Variants in DIAPH2 observed in about 807,000 individuals in gnomAD.
DIAPH2 encodes the protein protein diaphanous homolog 2.
DIAPH2 carries 35 observed loss-of-function variants against 92.7 expected under a neutral mutation model. The observed-to-expected ratio is 0.38, with a 90% CI of 0.29 to 0.50. The LOEUF (loss-of-function observed/expected upper bound fraction) is 0.50. Ranked by LOEUF, DIAPH2 falls within the 20% of genes least tolerant of loss-of-function variation. The probability of loss-of-function intolerance (pLI) is 0.94; values close to 1 mark genes in which losing one functional copy is unlikely to be tolerated. For synonymous variants in DIAPH2, 301 were observed against 280.4 expected, an observed-to-expected ratio of 1.07 and a Z score of -0.73; for missense variants, 701 against 819.5, an observed-to-expected ratio of 0.86 and a Z score of 1.77.
intron 5 of DIAPH2, among the ~76,000 whole-genome samples, chrX:96,888,486 CAG>C (rs2065280072): frequency 9.7e-6 from 1 of 103,543 alleles, no homozygotes; most frequent in African/African-American, 3.5e-5. Flanking sequence ...ATATATAACA[CAG>C]ATATATATCT....
chrX:97,094,798 T>A (rs1354574406), intron 19 of DIAPH2, among the ~76,000 whole-genome samples: 1 of 111,921 alleles, frequency 8.9e-6, no homozygotes, highest in Non-Finnish European at 1.9e-5. Flanking sequence ...CTCCAGAGGT[T>A]AATGTGGTGG....
chrX:97,590,150 C>T (rs916134303), intron 26 of DIAPH2, among the ~76,000 whole-genome samples: 9 of 111,716 alleles, frequency 8.1e-5, no homozygotes, highest in African/African-American at 2.6e-4. Context: ...AAATCATAGG[C>T]AGTGGTATAT....
chrX:96,875,591 T>A (rs1397071818), intron 4 of DIAPH2, among the ~76,000 whole-genome samples: 2 of 111,352 alleles, frequency 1.8e-5, no homozygotes, highest in African/African-American at 6.5e-5. Flanking sequence ...TTGCCTATTA[T>A]TTTCATCCTC....
At chrX:96,813,918 T>C (rs1043228963) in intron 4 of DIAPH2, among the ~76,000 whole-genome samples, 2 of 112,103 alleles carry the variant, frequency 1.8e-5, no homozygotes, top group African/African-American at 6.5e-5. Context: ...GGCTTCCCTT[T>C]GTGGGTAACC....
At chrX:97,144,876 T>C (rs982928632) in intron 22 of DIAPH2, among the ~76,000 whole-genome samples, 9 of 111,882 alleles carry the variant, frequency 8.0e-5, no homozygotes, top group African/African-American at 2.9e-4. Context: ...GCAATTCTCC[T>C]ACCTCAGCCT....
At chrX:96,772,022 G>T (rs1460269069) in intron 4 of DIAPH2, among the ~76,000 whole-genome samples, 1 of 109,710 alleles carries the variant, frequency 9.1e-6, no homozygotes, top group Admixed American at 9.7e-5. Flanking sequence ...GGGTGACACA[G>T]TTGAGACCCT....
In DIAPH2 at chrX:97,368,487, A is replaced by AT. The variant is rs972932921; in HGVS notation, c.3010-15413dup. Among the ~76,000 whole-genome samples, 13 of 111,429 alleles carry AT rather than the reference A, an allele frequency of 1.2e-4. 1 individual carries two copies. The highest frequency in any genetic ancestry group is 3.8e-4 in the Admixed American group (4 of 10,493). On this transcript the variant is annotated intron_variant, in intron 24 of 26. Transcript: ENST00000324765. ...TGGGAGCAGCCATTTAAGAAAAGGAATTTTTTTTTAAAAGAAATCTTTTTT... is the reference window on the plus strand; with the variant it reads ...TGGGAGCAGCCATTTAAGAAAAGGAATTTTTTTTTTAAAAGAAATCTTTTTT...
intron 21 of DIAPH2, among the ~76,000 whole-genome samples, chrX:97,134,726 G>A (rs1336469375): frequency 9.0e-6 from 1 of 111,084 alleles, no homozygotes; most frequent in Non-Finnish European, 1.9e-5. Flanking sequence ...TATTTCTTCC[G>A]TTGCCTGATC....
intron 23 of DIAPH2, among the ~76,000 whole-genome samples, chrX:97,248,772 A>G (rs1431042627): frequency 1.8e-5 from 2 of 111,807 alleles, no homozygotes; most frequent in East Asian, 5.5e-4. Context: ...CTTCTGTGAT[A>G]TGCTTTATTT....
chrX:97,510,284 T>C (rs1218112039), intron 26 of DIAPH2, among the ~76,000 whole-genome samples: 4 of 111,852 alleles, frequency 3.6e-5, no homozygotes, highest in Non-Finnish European at 7.5e-5. Context: ...TTTTCATGTG[T>C]CTTTTGGCTG....
chrX:97,417,501 C>G (rs2147766826), intron 25 of DIAPH2, among the ~76,000 whole-genome samples: 1 of 110,581 alleles, frequency 9.0e-6, no homozygotes, highest in South Asian at 3.9e-4. Context: ...TGGCAAAACC[C>G]CATCTCTGCT....
chrX:96,911,333 G>A (rs2065467358), intron 5 of DIAPH2, among the ~76,000 whole-genome samples: 1 of 110,075 alleles, frequency 9.1e-6, no homozygotes, highest in Admixed American at 9.7e-5. Flanking sequence ...CAGAGGCATT[G>A]GAAAGGAAGA....
chrX:97,541,422 C>A (rs765545308), intron 26 of DIAPH2, among the ~76,000 whole-genome samples: 35 of 110,730 alleles, frequency 3.2e-4, no homozygotes, highest in Admixed American at 5.8e-4. Flanking sequence ...GAAGGGAAAG[C>A]AAATTCATAT....
At chrX:97,455,636 G>C (rs1010008201) in intron 26 of DIAPH2, among the ~76,000 whole-genome samples, 2 of 112,311 alleles carry the variant, frequency 1.8e-5, no homozygotes, top group Non-Finnish European at 3.8e-5. Flanking sequence ...TTGAAGCACA[G>C]TTGTTGTTAC....
intron 15 of DIAPH2, among the ~76,000 whole-genome samples, chrX:96,953,141 C>G (rs1449688628): frequency 1.8e-5 from 2 of 110,992 alleles, no homozygotes; most frequent in Non-Finnish European, 3.8e-5. Context: ...TGGGTGAGGA[C>G]AAAAAGGACA....
chrX:97,008,705 G>A (rs2066202333), intron 17 of DIAPH2, among the ~76,000 whole-genome samples: 2 of 111,478 alleles, frequency 1.8e-5, no homozygotes, highest in South Asian at 3.8e-4. Context: ...TGGTGGTATT[G>A]GATAATATCT....
intron 13 of DIAPH2, among the ~76,000 whole-genome samples, chrX:96,943,469 A>G (rs754979064): frequency 9.0e-6 from 1 of 110,877 alleles, no homozygotes; most frequent in African/African-American, 3.3e-5. Context: ...CTCATTGCAT[A>G]TTTTTCAATG....
At chrX:97,226,364 ATTTTGTTTTG>A (rs762359546) in intron 22 of DIAPH2, among the ~76,000 whole-genome samples, 7 of 101,318 alleles carry the variant, frequency 6.9e-5, no homozygotes, top group African/African-American at 1.8e-4. Context: ...TTTTTGTTTT[ATTTTGTTTTG>A]TTTTGTTTTG....
chrX:97,153,595 A>G (rs1323175833), intron 22 of DIAPH2, among the ~76,000 whole-genome samples: 1 of 111,787 alleles, frequency 8.9e-6, no homozygotes, highest in Non-Finnish European at 1.9e-5. Context: ...CAAAAAAACA[A>G]AACAAACAAA....
Sources: gnomAD v4.1 joint callset for allele counts (sites outside exome capture counted in the v4.1 genomes callset) on GRCh38, gnomAD v4.1.1 for gene constraint, MANE v1.5 for transcripts, NCBI Gene and HGNC (gene_info 2026-07-23, HGNC 2026-07-21) for gene names.